CCDC66: variants seen among roughly 807,000 people sequenced by gnomAD.
The protein encoded by CCDC66 is coiled-coil domain-containing protein 66.
Under a neutral mutation model 128.3 loss-of-function variants are expected in CCDC66, and 133 were observed. That is an observed-to-expected ratio of 1.04 (90% confidence interval 0.90 to 1.20). The LOEUF is 1.20. Ranked by LOEUF, CCDC66 falls within the 50% of genes most tolerant of loss-of-function variation. The pLI is 0.00. For missense variants in CCDC66, 1,126 were observed against 1,075.5 expected, an observed-to-expected ratio of 1.05 and a Z score of -0.66; for synonymous variants, 387 against 357.0, an observed-to-expected ratio of 1.08 and a Z score of -0.95.
At position 56,594,018 on chromosome 3, in the gene CCDC66, T is replaced by C. The variant is rs749047662; in HGVS notation, c.1394T>C (p.Leu465Ser). ...CGAGACAGACGACGACAAAAACAAT[T>C]AGAGCATCAGGTATTGCATTGTTAA... ...EERDRRRQKQ[L>S]EHQKAITAQV... The change falls in exon 10 of 18, where the codon TTA becomes TCA. Residue 465 changes from leucine (L) to serine (S), a missense_variant. Coordinates refer to ENST00000394672, the MANE Select transcript of CCDC66 (RefSeq NM_001141947.3). 1 of 1,613,626 alleles carries C rather than the reference T, an allele frequency of 6.2e-7. No homozygotes were observed. The highest frequency in any genetic ancestry group is 2.2e-5 in the East Asian group (1 of 44,874).
At chr3:56,581,850 T>A (rs1007645758) in intron 7 of CCDC66, among the ~76,000 whole-genome samples, 1 of 151,876 alleles carries the variant, frequency 6.6e-6, no homozygotes, top group African/African-American at 2.4e-5. Context: ...CCAGTTAGGC[T>A]ACTCGGTGGT....
rs111481267 is a variant in CCDC66 at position 56,578,556 on chromosome 3, A to G, written c.936+7254A>G. ...TATTGGCTGTGGGTTTGTCATAAGTAGCTCTTATTATTTTGAGATACGTTC... is the reference window on the plus strand; with the variant it reads ...TATTGGCTGTGGGTTTGTCATAAGTGGCTCTTATTATTTTGAGATACGTTC... On this transcript the variant is annotated intron_variant, in intron 7 of 17. Transcript: ENST00000394672. Among the ~76,000 whole-genome samples the G allele has an allele frequency of 4.8e-3, 733 of 151,854 alleles. 12 individuals carry two copies. The highest frequency in any genetic ancestry group is 0.017 in the African/African-American group (688 of 41,498).
At chr3:56,610,639 C>G (rs773502028) in intron 10 of CCDC66, among the ~76,000 whole-genome samples, 8 of 152,026 alleles carry the variant, frequency 5.3e-5, no homozygotes, top group Admixed American at 5.2e-4. Flanking sequence ...GGGGTGTTGA[C>G]GAGCCTTGTT....
At chr3:56,576,375 T>A (rs910968957) in intron 7 of CCDC66, among the ~76,000 whole-genome samples, 1 of 151,468 alleles carries the variant, frequency 6.6e-6, no homozygotes, top group South Asian at 2.1e-4. Flanking sequence ...ATGGGATTTT[T>A]AAAAAAAATT....
chr3:56,577,042 G>A (rs1177317658), intron 7 of CCDC66, among the ~76,000 whole-genome samples: 1 of 151,858 alleles, frequency 6.6e-6, no homozygotes, highest in Admixed American at 6.6e-5. Flanking sequence ...CACTAACAGT[G>A]TAAAAGTGTT....
chr3:56,595,238 T>C (rs2106978443), intron 10 of CCDC66, among the ~76,000 whole-genome samples: 1 of 152,348 alleles, frequency 6.6e-6, no homozygotes, highest in East Asian at 1.9e-4. Context: ...TTATCATTTC[T>C]GTGTTGGGAA....
chr3:56,558,896 T>C lies in CCDC66; in HGVS notation c.62T>C (p.Ile21Thr). Residue 21 changes from isoleucine (I) to threonine (T), a missense_variant, in exon 2 of 18, where the codon ATA becomes ACA. Physicochemically the swap from Ile to Thr is moderately conservative, Grantham distance 89. Transcript: ENST00000394672. ...TELLDGKTKL[I>T]LSPYEHKSKI... ...TTACTGGATGGAAAAACCAAGCTAA[T>C]ATTGTCTCCATATGGTATGTTGTGT... The C allele has an allele frequency of 6.5e-7, 1 of 1,547,618 alleles. No individual in the cohort carries two copies. Among genetic ancestry groups the C allele is most frequent in the South Asian group, 1.2e-5 (1 of 83,826 alleles).
rs2076023988 is a variant in CCDC66 at position 56,619,292 on chromosome 3, A to G, written c.2400A>G (p.Pro800=). ...SKERSPSSPV[P]VVKNRTQQTQ... ...ATAGGTCTCCATCATCACCAGTTCC[A>G]GTAGTGAAAAACAGAACCCAACAAA... Residue 800 remains proline, a synonymous_variant, in exon 16 of 18, where the codon CCA becomes CCG. Coordinates refer to ENST00000394672, the MANE Select transcript of CCDC66 (RefSeq NM_001141947.3). 6.2e-7 allele frequency: 1 copy of G among 1,608,940 alleles called. No homozygotes were observed. The highest frequency in any genetic ancestry group is 1.3e-5 in the African/African-American group (1 of 74,638).
chr3:56,619,953 G>A (rs758474867), intron 17 of CCDC66, 52 bp downstream of exon 17: 5 of 1,575,530 alleles, frequency 3.2e-6, no homozygotes, highest in Non-Finnish European at 4.3e-6. Flanking sequence ...GGCGTGGGCG[G>A]TTGGGGGAAC....
chr3:56,607,463 G>A (rs2074236837), intron 10 of CCDC66, among the ~76,000 whole-genome samples: 1 of 152,100 alleles, frequency 6.6e-6, no homozygotes, highest in South Asian at 2.1e-4. Context: ...ATATAGAAGA[G>A]CTACTGATTT....
At chr3:56,573,920 ACAAT>A (rs150280972) in intron 7 of CCDC66, among the ~76,000 whole-genome samples, 50,868 of 128,846 alleles carry the variant, frequency 0.39, 10,449 homozygotes, top group Non-Finnish European at 0.52. Context: ...CTAAAAAAAA[ACAAT>A]AAAGTTATTT....
chr3:56,564,202 ATGTAAC>A, intron 4 of CCDC66, 77 bp downstream of exon 4: 1 of 1,086,740 alleles, frequency 9.2e-7, no homozygotes, highest in Non-Finnish European at 1.3e-6. Context: ...ATTGGGTTTT[ATGTAAC>A]TGTGACTCTT....
intron 1 of CCDC66, 108 bp from the exon 2 acceptor site, chr3:56,558,738 A>G: frequency 1.2e-6 from 1 of 829,398 alleles, no homozygotes; most frequent in Non-Finnish European, 2.0e-6. Context: ...AGATTCCTGC[A>G]TAAATTCAAA....
intron 16 of CCDC66, 57 bp from the exon 17 acceptor site, chr3:56,619,720 G>A: frequency 1.3e-6 from 2 of 1,599,548 alleles, no homozygotes; most frequent in Admixed American, 1.7e-5. Flanking sequence ...ATATAGCACA[G>A]GGCTATGTCA....
intron 7 of CCDC66, among the ~76,000 whole-genome samples, chr3:56,585,056 C>T (rs376149388): frequency 0.017 from 2,452 of 144,440 alleles, 35 homozygotes; most frequent in Middle Eastern, 0.031. Flanking sequence ...AGTCCAGCTT[C>T]GGCTCGGCAT....
At chr3:56,617,880 T>TA (rs2075718213) in intron 14 of CCDC66, 2 of 568,894 alleles carry the variant, frequency 3.5e-6, no homozygotes, top group Non-Finnish European at 6.1e-6. Context: ...AAGGTTTCCT[T>TA]ATGCTTATCG....
In CCDC66 at chr3:56,571,233, T is replaced by C; in HGVS notation, c.867T>C (p.Asn289=). ...KKEKEVSEKW[N]DPWKKSESDK... is the part of the protein sequence containing the mutation. Reference sequence around the variant, plus strand: ...AAAAAGAAGTTTCTGAAAAATGGAATGATCCTTGGAAAAAATCTGAAAGTG... The same window carrying C: ...AAAAAGAAGTTTCTGAAAAATGGAACGATCCTTGGAAAAAATCTGAAAGTG... The change falls in exon 7 of 18, where the codon AAT becomes AAC. Residue 289 remains asparagine (N), a synonymous_variant. Transcript: ENST00000394672. 6.5e-7 allele frequency: 1 copy of C among 1,546,774 alleles called. No individual in the cohort carries two copies. The highest frequency in any genetic ancestry group is 2.3e-5 in the East Asian group (1 of 44,168).
chr3:56,585,078 A>G (rs2069395599), intron 7 of CCDC66, among the ~76,000 whole-genome samples: 1 of 137,624 alleles, frequency 7.3e-6, no homozygotes, highest in African/African-American at 2.8e-5. Flanking sequence ...AGAGGGAGAC[A>G]GTGGAAAGAG....
intron 10 of CCDC66, among the ~76,000 whole-genome samples, chr3:56,609,796 C>T (rs963406615): frequency 3.3e-5 from 5 of 152,106 alleles, no homozygotes; most frequent in African/African-American, 7.2e-5. Context: ...TTGGTAATGG[C>T]GAATTCTCTC....
Sources: gnomAD v4.1 joint callset for allele counts (sites outside exome capture counted in the v4.1 genomes callset) on GRCh38, gnomAD v4.1.1 for gene constraint, MANE v1.5 for transcripts, NCBI Gene and HGNC (gene_info 2026-07-23, HGNC 2026-07-21) for gene names.